Variants in BTD observed in about 807,000 individuals in gnomAD.
BTD encodes biocytinase.
Under a neutral mutation model 17.7 loss-of-function variants are expected in BTD, and 13 were observed. The observed-to-expected ratio is 0.74, with a 90% CI of 0.48 to 1.17. The LOEUF (loss-of-function observed/expected upper bound fraction) is 1.17, where lower values mean the gene tolerates loss of function less well. Ranked by LOEUF, BTD falls within the 50% of genes most tolerant of loss-of-function variation. BTD has a pLI of 0.00. For missense variants in BTD, 674 were observed against 650.4 expected (o/e 1.04, Z -0.39); for synonymous variants, 240 against 245.2 (o/e 0.98, Z 0.20).
At chr3:15,637,900 C>T (rs1331050008) in intron 2 of BTD, among the ~76,000 whole-genome samples, 1 of 152,238 alleles carries the variant, frequency 6.6e-6, no homozygotes, top group Non-Finnish European at 1.5e-5. Flanking sequence ...GAAACCACGC[C>T]AGCTGCACAG....
chr3:15,711,202 T>G, exon 4 of BTD: 3 of 1,607,962 alleles, frequency 1.9e-6, no homozygotes, highest in Non-Finnish European at 2.6e-6. Context: ...AAAAATACTA[T>G]TAACATACCC....
At chr3:15,602,043 T>A (rs1463898173) in intron 1 of BTD, 149 bp downstream of exon 1, 1 of 1,478,748 alleles carries the variant, frequency 6.8e-7, no homozygotes, top group South Asian at 1.3e-5. Flanking sequence ...GCTGGGGCTG[T>A]TTGTGCGTTG....
chr3:15,679,277 T>C, intron 3 of BTD: 2 of 1,610,120 alleles, frequency 1.2e-6, no homozygotes, highest in Non-Finnish European at 1.7e-6. Context: ...GCTAAAACTA[T>C]TTAATACATA....
chr3:15,602,280 G>A (rs1265416026), intron 1 of BTD: 1 of 1,200,932 alleles, frequency 8.3e-7, no homozygotes, highest in Admixed American at 4.0e-5. Context: ...TCAGCCATTG[G>A]GTCACAAGCG....
At chr3:15,625,871 T>A (rs780341565) in intron 1 of BTD, among the ~76,000 whole-genome samples, 1 of 152,208 alleles carries the variant, frequency 6.6e-6, no homozygotes, top group Non-Finnish European at 1.5e-5. Context: ...TAATTTTTTA[T>A]TTTGCATATA....
intron 4 of BTD, among the ~76,000 whole-genome samples, chr3:15,718,868 CCTAA>C (rs1173731734): frequency 2.6e-5 from 4 of 152,126 alleles, no homozygotes; most frequent in South Asian, 2.1e-4. Flanking sequence ...TTTGAAATAG[CCTAA>C]CTTTCATTAA....
chr3:15,608,453 G>A (rs2064519799), intron 1 of BTD, among the ~76,000 whole-genome samples: 1 of 152,164 alleles, frequency 6.6e-6, no homozygotes, highest in Admixed American at 6.5e-5. Flanking sequence ...GGATGTAAGA[G>A]ATTTATCTCA....
chr3:15,710,470 A>C (rs911821407), exon 4 of BTD, among the ~76,000 whole-genome samples: 1 of 152,182 alleles, frequency 6.6e-6, no homozygotes, highest in Non-Finnish European at 1.5e-5. Flanking sequence ...AAAACCAGTC[A>C]CATGCTCACA....
rs116749019 is a variant in BTD, at chr3:15,663,281, G to A, written c.399+21224G>A. On this transcript the variant is annotated intron_variant, in intron 3 of 3. Transcript: ENST00000672141. ...AGTGCTGGGATTACAGGCGTGAGCC[G>A]CCGCGCCTGGCCTACAGTCTTCTTA... 3.7e-3 allele frequency among the ~76,000 whole-genome samples: 558 copies of A among 152,262 alleles called. 4 individuals carry two copies. Among genetic ancestry groups the A allele is most frequent in the Non-Finnish European group, 6.0e-3 (409 of 68,020 alleles).
rs377500635 is a variant in BTD at position 15,690,086 on chromosome 3, G to A, written c.400-19974G>A. 64 of 1,612,298 alleles carry A rather than the reference G, an allele frequency of 4.0e-5. 1 individual carries two copies. In the Middle Eastern group the frequency reaches 9.9e-4, roughly 25 times the overall value. On this transcript the variant is annotated intron_variant, in intron 3 of 3. Coordinates refer to the BTD transcript ENST00000672141. ...CTAAGATTGAGGCTCCCTGATTAATGAGTACATCCACACATTCAACATGGC... is the reference window on the plus strand; with the variant it reads ...CTAAGATTGAGGCTCCCTGATTAATAAGTACATCCACACATTCAACATGGC...
chr3:15,631,851 C>T (rs984671842), intron 1 of BTD, among the ~76,000 whole-genome samples: 3 of 152,200 alleles, frequency 2.0e-5, no homozygotes, highest in Non-Finnish European at 4.4e-5. Flanking sequence ...TTGGTAGACT[C>T]AGGCTTTCTC....
chr3:15,706,993 A>C (rs1466508071), intron 3 of BTD, among the ~76,000 whole-genome samples: 4 of 152,232 alleles, frequency 2.6e-5, no homozygotes, highest in Non-Finnish European at 5.9e-5. Flanking sequence ...GTTACTTATA[A>C]AAATGGTTTT....
chr3:15,618,424 AGTTTTGTAG>A (rs1359989185), intron 1 of BTD, among the ~76,000 whole-genome samples: 2 of 152,202 alleles, frequency 1.3e-5, no homozygotes, highest in African/African-American at 4.8e-5. Flanking sequence ...CTTTCAACAG[AGTTTTGTAG>A]TTTTTTCATG....
Position 15,635,201 on chromosome 3 carries a change from T to C in BTD, c.-16-223T>C, listed in dbSNP as rs912487145. On this transcript the variant is annotated intron_variant, in intron 1 of 3. Coordinates refer to ENST00000643237, the MANE Select transcript of BTD (RefSeq NM_001370658.1). This position sits in a 1 kb window ranked among gnomAD's most constrained non-coding sequence, Gnocchi z 4.1. ...CGTTGAGTCTGTTTTGGAAATGTTC[T>C]AAAACCAGACTATTAACACAGTGAG... is the stretch of plus-strand genomic sequence containing the variant. 5.3e-4 allele frequency among the ~76,000 whole-genome samples: 80 copies of C among 152,346 alleles called. No individual in the cohort carries two copies. The highest frequency in any genetic ancestry group is 1.8e-3 in the African/African-American group (75 of 41,578).
intron 3 of BTD, chr3:15,669,519 T>C (rs945637379): frequency 5.9e-5 from 9 of 152,308 alleles, no homozygotes; most frequent in African/African-American, 2.2e-4. Flanking sequence ...ATGTCACAAG[T>C]ATTTTCACCC....
intron 3 of BTD, chr3:15,695,293 GCTAA>G: frequency 2.7e-6 from 3 of 1,099,224 alleles, no homozygotes; most frequent in Non-Finnish European, 2.7e-6. Context: ...ATAGAGCTTT[GCTAA>G]CTTTTACCCT....
intron 1 of BTD, among the ~76,000 whole-genome samples, chr3:15,628,947 T>G (rs2065136068): frequency 6.6e-6 from 1 of 152,208 alleles, no homozygotes; most frequent in African/African-American, 2.4e-5. Context: ...TAAAAACCAA[T>G]AACAACCTGG....
In BTD at chr3:15,631,684, A is replaced by G. The variant is rs188805675; in HGVS notation, c.-16-3740A>G. Among the ~76,000 whole-genome samples the G allele has an allele frequency of 2.6e-5, 4 of 152,308 alleles. No homozygotes were observed. The East Asian group carries it at 7.7e-4, about 29-fold the overall frequency. ...AAGCAGAGCTTCTGTAGGGCCGTCC[A>G]AGATCAGGATGCTTACTTCAAGATG... On this transcript the variant is annotated intron_variant, in intron 1 of 3. Coordinates refer to ENST00000643237, the MANE Select transcript of BTD (RefSeq NM_001370658.1).
intron 1 of BTD, among the ~76,000 whole-genome samples, chr3:15,626,604 C>G (rs1303410878): frequency 6.6e-6 from 1 of 151,874 alleles, no homozygotes; most frequent in Non-Finnish European, 1.5e-5. Context: ...TAGCAAGACC[C>G]CATCTCTACA....
Sources: allele counts gnomAD v4.1 joint callset (sites outside exome capture counted in the v4.1 genomes callset), GRCh38; gene constraint gnomAD v4.1.1; non-coding constraint Gnocchi (gnomAD v3.1); transcripts MANE v1.5; gene names NCBI Gene and HGNC (gene_info 2026-07-23, HGNC 2026-07-21).